Variants in DSE observed in about 807,000 individuals in gnomAD.
DSE encodes dermatan-sulfate epimerase.
A neutral mutation model predicts 84.4 loss-of-function variants in DSE; 36 were observed. The observed-to-expected ratio is 0.43, with a 90% CI of 0.33 to 0.56. The LOEUF is 0.56. Ranked by LOEUF, DSE falls within the 20% of genes least tolerant of loss-of-function variation. The pLI, the probability that DSE is intolerant of heterozygous loss-of-function variation, is 0.06. For missense variants in DSE, 862 were observed against 1,169.6 expected, an observed-to-expected ratio of 0.74 and a Z score of 3.84; for synonymous variants, 410 against 430.1, an observed-to-expected ratio of 0.95 and a Z score of 0.58.
At chr6:116,316,136 T>C (rs1398661413) in intron 2 of DSE, among the ~76,000 whole-genome samples, 1 of 152,184 alleles carries the variant, frequency 6.6e-6, no homozygotes. Flanking sequence ...TTCAAAAACA[T>C]AGCTTAAGTT....
chr6:116,258,664 A>T lies in DSE; in HGVS notation c.-357A>T. On this transcript the variant is annotated 5_prime_UTR_variant, in exon 2 of 4. Transcript: ENST00000430252. ...ACGAGCACCTGTGCACAGCAGCCAG[A>T]TGGCCTGATTCACACGGCGAAGTGG... 2.5e-6 allele frequency: 4 copies of T among 1,611,854 alleles called. No homozygotes were observed. In the African/African-American group the frequency reaches 5.3e-5, roughly 21 times the overall value.
intron 2 of DSE, among the ~76,000 whole-genome samples, chr6:116,331,195 G>A (rs1776913422): frequency 6.6e-6 from 1 of 152,068 alleles, no homozygotes; most frequent in African/African-American, 2.4e-5. Context: ...CTTTCTTTCT[G>A]TGATCAGGAA....
intron 2 of DSE, among the ~76,000 whole-genome samples, chr6:116,339,449 C>T (rs1777461743): frequency 6.6e-6 from 1 of 152,084 alleles, no homozygotes; most frequent in Non-Finnish European, 1.5e-5. Context: ...CTAAGAAATT[C>T]AGATTTTATG....
At chr6:116,410,685 G>C (rs1255686836) in intron 2 of DSE, among the ~76,000 whole-genome samples, 1 of 127,572 alleles carries the variant, frequency 7.8e-6, no homozygotes, top group Non-Finnish European at 1.5e-5. Flanking sequence ...AGTGAGCCAA[G>C]ATCGCTCCAC....
chr6:116,265,055 T>C (rs1772566867), intron 2 of DSE, among the ~76,000 whole-genome samples: 1 of 152,194 alleles, frequency 6.6e-6, no homozygotes, highest in Admixed American at 6.5e-5. Flanking sequence ...CGTTCACATG[T>C]GCCAGCAGCA....
At chr6:116,259,341 G>C in intron 2 of DSE, 1 of 439,770 alleles carries the variant, frequency 2.3e-6, no homozygotes. Context: ...TGAAACTACT[G>C]ATGCAACTCG....
intron 2 of DSE, among the ~76,000 whole-genome samples, chr6:116,356,685 T>C (rs912483860): frequency 3.3e-5 from 5 of 152,184 alleles, no homozygotes; most frequent in African/African-American, 1.2e-4. Context: ...TAAAGTGACT[T>C]ATTCTGGTAA....
At chr6:116,339,530 T>A (rs995668698) in intron 2 of DSE, among the ~76,000 whole-genome samples, 13 of 152,178 alleles carry the variant, frequency 8.5e-5, no homozygotes, top group Non-Finnish European at 1.5e-4. Flanking sequence ...GCTTTAGGAA[T>A]ATTAATCTGA....
rs571198185 is a variant in DSE at position 116,271,489 on chromosome 6, A to T, written c.-54+12522A>T. Among the ~76,000 whole-genome samples the T allele has an allele frequency of 3.3e-5, 5 of 152,316 alleles. No individual in the cohort carries two copies. The South Asian group carries it at 1.0e-3, about 32-fold the overall frequency. On this transcript the variant is annotated intron_variant, in intron 2 of 3. Transcript: ENST00000430252. ...GAAATGGAAAAGGAAGCTCAGAGAG[A>T]TTCTTGAGAGGGCCCCAGGGAATGT...
At position 116,435,686 on chromosome 6, in the gene DSE, A is replaced by G. The variant is rs765730454; in HGVS notation, c.1218A>G (p.Leu406=). 6.2e-7 allele frequency: 1 copy of G among 1,614,150 alleles called. No homozygotes were observed. The highest frequency in any genetic ancestry group is 8.5e-7 in the Non-Finnish European group (1 of 1,179,998). ...DWGVVTYGSA[L]PAEINRSFLS... is the part of the protein sequence containing the mutation. ...GTGTCGTGACTTATGGAAGTGCACT[A>G]CCTGCAGAAATCAATAGATCTTTCC... The change falls in exon 6 of 6, where the codon CTA becomes CTG. Residue 406 remains leucine (L), a synonymous_variant. Transcript: ENST00000644252.
intron 1 of DSE, among the ~76,000 whole-genome samples, chr6:116,374,437 A>C (rs1337773494): frequency 6.6e-6 from 1 of 152,098 alleles, no homozygotes; most frequent in Non-Finnish European, 1.5e-5. Context: ...CTGGATCTTT[A>C]CTATTTTGAA....
chr6:116,396,347 C>T (rs2114986966), intron 1 of DSE, among the ~76,000 whole-genome samples: 1 of 152,236 alleles, frequency 6.6e-6, no homozygotes, highest in East Asian at 1.9e-4. Context: ...GCCTTAATAG[C>T]TGGGAGAGCA....
At chr6:116,386,387 G>T (rs1780579840) in intron 1 of DSE, among the ~76,000 whole-genome samples, 1 of 152,182 alleles carries the variant, frequency 6.6e-6, no homozygotes, top group Non-Finnish European at 1.5e-5. Flanking sequence ...TACAACATTT[G>T]TTATCATCTG....
intron 2 of DSE, among the ~76,000 whole-genome samples, chr6:116,296,053 A>G (rs1774646615): frequency 6.6e-6 from 1 of 152,186 alleles, no homozygotes; most frequent in Admixed American, 6.5e-5. Flanking sequence ...GTGCCTGGTG[A>G]CATTCTACAT....
At chr6:116,419,404 A>G (rs528773431) in intron 2 of DSE, among the ~76,000 whole-genome samples, 1 of 152,326 alleles carries the variant, frequency 6.6e-6, no homozygotes, top group African/African-American at 2.4e-5. Flanking sequence ...TGACTGTCTT[A>G]ACTTATTGGA....
chr6:116,434,007 AAAAG>A (rs1784005566), intron 5 of DSE, among the ~76,000 whole-genome samples: 1 of 152,234 alleles, frequency 6.6e-6, no homozygotes, highest in Admixed American at 6.5e-5. Context: ...CACACCAAAA[AAAAG>A]GTAGTAAAAT....
intron 2 of DSE, among the ~76,000 whole-genome samples, chr6:116,406,157 A>C (rs1266076801): frequency 6.6e-6 from 1 of 152,162 alleles, no homozygotes; most frequent in African/African-American, 2.4e-5. Flanking sequence ...TGGGTGACTC[A>C]CTTGCTCGCC....
chr6:116,404,116 T>C (rs1028654496), intron 2 of DSE, among the ~76,000 whole-genome samples: 6 of 152,304 alleles, frequency 3.9e-5, no homozygotes, highest in Admixed American at 6.5e-5. Flanking sequence ...CTATACCTTA[T>C]GAATCTTAGC....
chr6:116,317,523 G>A (rs907759301), intron 2 of DSE, among the ~76,000 whole-genome samples: 2 of 152,168 alleles, frequency 1.3e-5, no homozygotes, highest in African/African-American at 4.8e-5. Flanking sequence ...ATAATTTTTA[G>A]TAAGGATGCT....
Sources: gnomAD v4.1 joint callset for allele counts (sites outside exome capture counted in the v4.1 genomes callset) on GRCh38, gnomAD v4.1.1 for gene constraint, MANE v1.5 for transcripts, NCBI Gene and HGNC (gene_info 2026-07-23, HGNC 2026-07-21) for gene names.